GLCCI1: variants seen among roughly 807,000 people sequenced by gnomAD.
The protein encoded by GLCCI1 is glucocorticoid induced 1, also known as glucocorticoid-induced transcript 1 protein.
GLCCI1 carries 24 observed loss-of-function variants against 52.2 expected under a neutral mutation model. The ratio of observed to expected loss-of-function variants is 0.46; its 90% CI spans 0.33 to 0.65. The LOEUF is 0.65. Among genes scored for constraint, GLCCI1 ranks in the 30% least tolerant of loss-of-function variants. The probability of loss-of-function intolerance (pLI) is 0.02; values close to 1 mark genes in which losing one functional copy is unlikely to be tolerated. For missense variants in GLCCI1, 704 were observed against 701.5 expected (o/e 1.00, Z -0.04); for synonymous variants, 310 against 276.5 (o/e 1.12, Z -1.20).
chr7:7,969,676 C>T lies in GLCCI1; in HGVS notation c.326C>T (p.Pro109Leu), dbSNP rs1780298696. The change falls in exon 1 of 8, where the codon CCG (proline) becomes CTG (leucine). Residue 109 changes from proline to leucine, a missense_variant. Pro to Leu is a moderately conservative substitution (Grantham distance 98). This residue lies in a region of GLCCI1 where 547 missense variants were observed against 524.8 expected (regional missense o/e 1.04). Coordinates refer to ENST00000223145, the MANE Select transcript of GLCCI1 (RefSeq NM_138426.4). This position sits in a 1 kb window ranked among gnomAD's most constrained non-coding sequence, Gnocchi z 4.9. ...GAARGPSPSS[P>L]TPPAAAAPAE... ...GCCCGCGGCCCCAGCCCGTCCAGCC[C>T]GACGCCGCCGGCGGCCGCAGCCCCG... 9.1e-7 allele frequency: 1 copy of T among 1,102,034 alleles called. No individual in the cohort carries two copies. Among genetic ancestry groups the T allele is most frequent in the Non-Finnish European group, 1.1e-6 (1 of 905,348 alleles). The allele number at this position is 1,102,034 out of a possible 1,614,324, so 68.3% of individuals were successfully genotyped here.
chr7:7,997,826 C>T (rs1467537900), intron 1 of GLCCI1, among the ~76,000 whole-genome samples: 54 of 151,880 alleles, frequency 3.6e-4, no homozygotes, highest in Admixed American at 3.5e-3. Flanking sequence ...ACTCGGGAGC[C>T]TGAGACATGA....
intron 3 of GLCCI1, among the ~76,000 whole-genome samples, chr7:8,043,616 G>A (rs903905156): frequency 6.6e-6 from 1 of 152,120 alleles, no homozygotes; most frequent in African/African-American, 2.4e-5. Context: ...AATTTGGGGG[G>A]TGATGAAAAA....
intron 3 of GLCCI1, among the ~76,000 whole-genome samples, chr7:8,037,702 G>A (rs533716803): frequency 6.6e-6 from 1 of 152,126 alleles, no homozygotes; most frequent in African/African-American, 2.4e-5. Context: ...GGTGGAAAAA[G>A]ACATTCCTTG....
intron 2 of GLCCI1, among the ~76,000 whole-genome samples, chr7:8,013,482 G>A (rs1781311904): frequency 6.6e-6 from 1 of 151,940 alleles, no homozygotes; most frequent in African/African-American, 2.4e-5. Flanking sequence ...GTATTGCTTA[G>A]TAATTCATTT....
At chr7:8,057,539 A>G (rs1409591066) in intron 4 of GLCCI1, among the ~76,000 whole-genome samples, 1 of 152,134 alleles carries the variant, frequency 6.6e-6, no homozygotes, top group Non-Finnish European at 1.5e-5. Flanking sequence ...GATTGACCAC[A>G]GAGAGGCCCT....
Position 8,086,447 on chromosome 7 carries a change from C to A in GLCCI1, c.1553C>A (p.Ala518Asp). 6.2e-7 allele frequency: 1 copy of A among 1,614,142 alleles called. No individual in the cohort carries two copies. The highest frequency in any genetic ancestry group is 8.5e-7 in the Non-Finnish European group (1 of 1,180,040). ...DDTSTAGSME[A>D]SVQQPSQQQQ... ...ACCAGCACAGCGGGCTCCATGGAGG[C>A]CTCTGTCCAGCAGCCATCCCAGCAG... Residue 518 changes from alanine to aspartate, a missense_variant, in exon 8 of 8, where the codon GCC (alanine) becomes GAC (aspartate). Around this residue, in one of 3 missense-constraint regions of GLCCI1, gnomAD observed 149 missense variants for 152.9 expected, o/e 0.97. Coordinates refer to ENST00000223145, the MANE Select transcript of GLCCI1 (RefSeq NM_138426.4). The surrounding 1 kb of genome is among the most constrained non-coding windows in gnomAD (Gnocchi z 4.4).
At chr7:8,066,091 C>T (rs535032071) in intron 5 of GLCCI1, among the ~76,000 whole-genome samples, 3 of 152,194 alleles carry the variant, frequency 2.0e-5, no homozygotes, top group Non-Finnish European at 1.5e-5. Context: ...ATTATTGTTC[C>T]ATTCAGGGAT....
Position 8,044,044 on chromosome 7 carries a change from A to C in GLCCI1, c.697-11389A>C, listed in dbSNP as rs1013588477. Among the ~76,000 whole-genome samples, 6 of 151,448 alleles carry C rather than the reference A, an allele frequency of 4.0e-5. 1 individual carries two copies. The highest frequency in any genetic ancestry group is 1.5e-4 in the African/African-American group (6 of 41,220). ...ACTGCAAGCTCCGCCTCCCGGGTTC[A>C]CACCATTCTCCTGCCTCAGCCTCCC... On this transcript the variant is annotated intron_variant, in intron 3 of 7. Coordinates refer to ENST00000223145, the MANE Select transcript of GLCCI1 (RefSeq NM_138426.4).
intron 2 of GLCCI1, among the ~76,000 whole-genome samples, chr7:8,008,872 T>C (rs1013041571): frequency 6.6e-6 from 1 of 152,180 alleles, no homozygotes; most frequent in Non-Finnish European, 1.5e-5. Flanking sequence ...AAGCTCAGTA[T>C]TGGCTTTATG....
Position 8,060,120 on chromosome 7 carries a change from A to C in GLCCI1, c.838A>C (p.Met280Leu). 1.2e-6 allele frequency: 2 copies of C among 1,613,756 alleles called. No individual in the cohort carries two copies. Among genetic ancestry groups the C allele is most frequent in the Non-Finnish European group, 1.7e-6 (2 of 1,179,800 alleles). The change falls in exon 5 of 8, where the codon ATG (methionine) becomes CTG (leucine). Residue 280 changes from methionine to leucine, a missense_variant. Transcript: ENST00000223145. ...GGCTACTGGATCAAGGTCAGTTCCT[A>C]TGCCACTGTCAAATATATCAGTGCC... ...TQATGSRSVP[M>L]PLSNISVPKS...
At position 8,070,951 on chromosome 7, in the gene GLCCI1, C is replaced by A; in HGVS notation, c.997C>A (p.Pro333Thr). The stretch of plus-strand genomic sequence containing the variant: ...GGACATACCAGATGGTCGAAGAGCT[C>A]CACTTCCTGCTCATTACCGGAGCAG... ...PLDIPDGRRA[P>T]LPAHYRSSST... Residue 333 changes from proline to threonine, a missense_variant, in exon 6 of 8, where the codon CCA becomes ACA. Pro to Thr is a conservative substitution (Grantham distance 38). Coordinates refer to ENST00000223145, the MANE Select transcript of GLCCI1 (RefSeq NM_138426.4). The A allele has an allele frequency of 6.2e-7, 1 of 1,614,136 alleles. No homozygotes were observed. Among genetic ancestry groups the A allele is most frequent in the South Asian group, 1.1e-5 (1 of 91,066 alleles).
At chr7:8,080,614 T>C (rs938304120) in intron 6 of GLCCI1, among the ~76,000 whole-genome samples, 3 of 151,342 alleles carry the variant, frequency 2.0e-5, no homozygotes, top group African/African-American at 7.4e-5. Flanking sequence ...GAAATAAAAT[T>C]GTATCTGTAT....
At chr7:8,064,025 G>T (rs1056772000) in intron 5 of GLCCI1, among the ~76,000 whole-genome samples, 3 of 152,108 alleles carry the variant, frequency 2.0e-5, no homozygotes, top group Non-Finnish European at 4.4e-5. Flanking sequence ...TGCATAGTTT[G>T]CAAACATTTT....
intron 6 of GLCCI1, among the ~76,000 whole-genome samples, chr7:8,083,891 A>G (rs943961045): frequency 6.6e-6 from 1 of 152,224 alleles, no homozygotes; most frequent in Non-Finnish European, 1.5e-5. Context: ...TAAATATTGG[A>G]CTGTGTTCTA....
chr7:8,055,567 C>G lies in GLCCI1; in HGVS notation c.813+18C>G, dbSNP rs2127959041. On this transcript the variant is annotated intron_variant, in intron 4 of 7. Coordinates refer to ENST00000223145, the MANE Select transcript of GLCCI1 (RefSeq NM_138426.4). Reference sequence around the variant, plus strand: ...ACACTCAGGTAGGCTAACTTCTTGTCCAGATTTGAATAATTACTTTTAGTT... The same window carrying G: ...ACACTCAGGTAGGCTAACTTCTTGTGCAGATTTGAATAATTACTTTTAGTT... 1 of 1,394,766 alleles carries G rather than the reference C, an allele frequency of 7.2e-7. No homozygotes were observed. The highest frequency in any genetic ancestry group is 1.0e-6 in the Non-Finnish European group (1 of 981,706). 86.4% of individuals were successfully genotyped at this position (1,394,766 alleles called of 1,614,324 possible).
chr7:8,063,615 C>CTTTTTTTTT (rs917291629), intron 5 of GLCCI1, among the ~76,000 whole-genome samples: 3 of 113,660 alleles, frequency 2.6e-5, no homozygotes, highest in Non-Finnish European at 3.6e-5. Flanking sequence ...ACTTTTCTTC[C>CTTTTTTTTT]TTTTTTTTTT....
chr7:8,031,650 CAT>C (rs1306223437), intron 3 of GLCCI1, among the ~76,000 whole-genome samples: 5 of 151,982 alleles, frequency 3.3e-5, no homozygotes, highest in Non-Finnish European at 7.4e-5. Context: ...CAAAATATCT[CAT>C]GTGTCCCATA....
At chr7:8,067,718 T>C (rs1484819899) in intron 5 of GLCCI1, among the ~76,000 whole-genome samples, 1 of 152,244 alleles carries the variant, frequency 6.6e-6, no homozygotes, top group African/African-American at 2.4e-5. Flanking sequence ...AGGTCTTCTG[T>C]TGGCCTCATG....
At chr7:8,072,055 A>C (rs1208709930) in intron 6 of GLCCI1, among the ~76,000 whole-genome samples, 1 of 152,138 alleles carries the variant, frequency 6.6e-6, no homozygotes, top group Non-Finnish European at 1.5e-5. Flanking sequence ...TGTGCTCCTG[A>C]AACCACTACC....
Sources: allele counts gnomAD v4.1 joint callset (sites outside exome capture counted in the v4.1 genomes callset), GRCh38; gene constraint gnomAD v4.1.1; regional missense constraint gnomAD v4.1.1; non-coding constraint Gnocchi (gnomAD v3.1); transcripts MANE v1.5; gene names NCBI Gene and HGNC (gene_info 2026-07-23, HGNC 2026-07-21).